TSPAN9: variants seen among roughly 807,000 people sequenced by gnomAD.
TSPAN9 encodes the protein tetraspanin 9.
A neutral mutation model predicts 31.0 loss-of-function variants in TSPAN9; 16 were observed. The observed-to-expected ratio is 0.52, with a 90% confidence interval of 0.35 to 0.78. TSPAN9 has a LOEUF of 0.78. Ranked by LOEUF, TSPAN9 falls within the 30% of genes least tolerant of loss-of-function variation. TSPAN9 has a pLI of 0.01. For missense variants in TSPAN9, 272 were observed against 312.5 expected (o/e 0.87, Z 0.98); for synonymous variants, 145 against 121.6 (o/e 1.19, Z -1.27).
intron 3 of TSPAN9, among the ~76,000 whole-genome samples, chr12:3,263,748 C>T (rs999211843): frequency 3.9e-5 from 6 of 152,134 alleles, no homozygotes; most frequent in Non-Finnish European, 5.9e-5. Flanking sequence ...GGCAGGAGAA[C>T]GTTCTGGGGC....
At chr12:3,178,240 T>C (rs1177584588) in intron 2 of TSPAN9, among the ~76,000 whole-genome samples, 1 of 152,142 alleles carries the variant, frequency 6.6e-6, no homozygotes, top group Non-Finnish European at 1.5e-5. Context: ...CATTTGCATT[T>C]CTGTCTTCAG....
intron 2 of TSPAN9, among the ~76,000 whole-genome samples, chr12:3,157,026 G>A (rs1024988752): frequency 2.0e-5 from 3 of 152,028 alleles, no homozygotes; most frequent in Non-Finnish European, 2.9e-5. Flanking sequence ...ATTCTCCCCC[G>A]CTGAGCCTCA....
chr12:3,121,154 G>C (rs1438524073), intron 2 of TSPAN9, among the ~76,000 whole-genome samples: 1 of 152,156 alleles, frequency 6.6e-6, no homozygotes, highest in African/African-American at 2.4e-5. Context: ...TGTGTCAGGC[G>C]GTGTGAAATG....
intron 2 of TSPAN9, among the ~76,000 whole-genome samples, chr12:3,161,653 C>A (rs925158828): frequency 1.3e-5 from 2 of 152,208 alleles, no homozygotes; most frequent in African/African-American, 4.8e-5. Context: ...CCAGCCCCTG[C>A]TTCTCAGCCT....
At chr12:3,252,446 C>T (rs1394953913) in intron 3 of TSPAN9, among the ~76,000 whole-genome samples, 1 of 152,222 alleles carries the variant, frequency 6.6e-6, no homozygotes, top group Non-Finnish European at 1.5e-5. Flanking sequence ...TCTCCGGGGC[C>T]AGGGAGAAAT....
intron 3 of TSPAN9, among the ~76,000 whole-genome samples, chr12:3,256,271 G>A (rs1272062585): frequency 6.6e-6 from 1 of 152,206 alleles, no homozygotes; most frequent in Admixed American, 6.5e-5. Flanking sequence ...TGGGGGCTTC[G>A]TAAGGAGCTG....
At chr12:3,227,762 G>A (rs2098388606) in intron 3 of TSPAN9, among the ~76,000 whole-genome samples, 1 of 152,186 alleles carries the variant, frequency 6.6e-6, no homozygotes, top group Non-Finnish European at 1.5e-5. Context: ...CTTGCAGCTG[G>A]GACTTGGTGT....
chr12:3,185,376 GT>G (rs1486442015), intron 2 of TSPAN9, among the ~76,000 whole-genome samples: 11 of 152,306 alleles, frequency 7.2e-5, no homozygotes, highest in African/African-American at 2.6e-4. Flanking sequence ...GGTTGGCAGG[GT>G]GGGGCTAGGA....
intron 2 of TSPAN9, among the ~76,000 whole-genome samples, chr12:3,145,989 G>A (rs976048962): frequency 2.0e-5 from 3 of 152,242 alleles, no homozygotes; most frequent in Admixed American, 6.5e-5. Context: ...CACGGGGCAC[G>A]CGGGGCCTGG....
intron 3 of TSPAN9, among the ~76,000 whole-genome samples, chr12:3,271,557 AAAG>A (rs1378637132): frequency 2.0e-5 from 3 of 147,622 alleles, no homozygotes; most frequent in African/African-American, 8.0e-5. Flanking sequence ...AAAAAAAAAA[AAAG>A]AAGAATGGAG....
chr12:3,261,189 G>C (rs1019972079), intron 3 of TSPAN9, among the ~76,000 whole-genome samples: 7 of 152,230 alleles, frequency 4.6e-5, no homozygotes, highest in Non-Finnish European at 7.3e-5. Flanking sequence ...TGGATGAAAT[G>C]TGGAGGGTAA....
At chr12:3,227,872 G>A (rs1419876619) in intron 3 of TSPAN9, among the ~76,000 whole-genome samples, 7 of 152,168 alleles carry the variant, frequency 4.6e-5, no homozygotes, top group African/African-American at 1.2e-4. Context: ...GACTTCTGCC[G>A]AGGTTATAAT....
chr12:3,267,230 C>T (rs922503028), intron 3 of TSPAN9, among the ~76,000 whole-genome samples: 2 of 152,192 alleles, frequency 1.3e-5, no homozygotes, highest in Non-Finnish European at 2.9e-5. Context: ...AGATGGTATC[C>T]TTGTCCTGTT....
intron 3 of TSPAN9, among the ~76,000 whole-genome samples, chr12:3,233,240 G>A (rs1442776716): frequency 6.6e-6 from 1 of 152,144 alleles, no homozygotes; most frequent in Non-Finnish European, 1.5e-5. Flanking sequence ...AATTAGTAAG[G>A]TTACAAGCAT....
At chr12:3,255,253 C>T (rs542870757) in intron 3 of TSPAN9, among the ~76,000 whole-genome samples, 37 of 152,194 alleles carry the variant, frequency 2.4e-4, no homozygotes, top group Non-Finnish European at 4.7e-4. Context: ...TAGGCGAGCC[C>T]GGGTGAGCTG....
At chr12:3,209,992 C>T (rs1483958314) in intron 3 of TSPAN9, among the ~76,000 whole-genome samples, 6 of 120,962 alleles carry the variant, frequency 5.0e-5, no homozygotes, top group Non-Finnish European at 7.0e-5. Flanking sequence ...AAAAATTAGC[C>T]GGGTGTGGTG....
At chr12:3,110,120 C>CA (rs1555141948) in intron 2 of TSPAN9, among the ~76,000 whole-genome samples, 3 of 151,710 alleles carry the variant, frequency 2.0e-5, no homozygotes, top group African/African-American at 4.8e-5. Flanking sequence ...AGCACAAGAC[C>CA]GGGAGTGGGC....
At chr12:3,182,313 G>A (rs889170481) in intron 2 of TSPAN9, among the ~76,000 whole-genome samples, 1 of 151,916 alleles carries the variant, frequency 6.6e-6, no homozygotes, top group Non-Finnish European at 1.5e-5. Flanking sequence ...AGGGTGGGGG[G>A]CTTCAGGGTT....
intron 3 of TSPAN9, among the ~76,000 whole-genome samples, chr12:3,216,658 G>A (rs10848826): frequency 0.14 from 21,097 of 152,182 alleles, 1,802 homozygotes; most frequent in African/African-American, 0.24. Context: ...GGCCCTAATG[G>A]GCCTGGAAGC....
Sources: gnomAD v4.1 joint callset for allele counts (sites outside exome capture counted in the v4.1 genomes callset) on GRCh38, gnomAD v4.1.1 for gene constraint, MANE v1.5 for transcripts, NCBI Gene and HGNC (gene_info 2026-07-23, HGNC 2026-07-21) for gene names.